The following FAT3 variants were observed in gnomAD, a reference collection of about 807,000 sequenced individuals.
FAT3 encodes protocadherin Fat 3.
A neutral mutation model predicts 310.2 loss-of-function variants in FAT3; 95 were observed. That is an observed-to-expected ratio of 0.31 (90% CI 0.26 to 0.36). The LOEUF (loss-of-function observed/expected upper bound fraction) is 0.36, where lower values mean the gene tolerates loss of function less well. Among genes scored for constraint, FAT3 ranks in the 10% least tolerant of loss-of-function variants. FAT3 has a pLI of 1.00. For synonymous variants in FAT3, 2,314 were observed against 2,192.9 expected (o/e 1.06, Z -1.54); for missense variants, 5,408 against 5,715.6 (o/e 0.95, Z 1.74).
At chr11:92,431,645 G>T (rs924112239) in intron 2 of FAT3, among the ~76,000 whole-genome samples, 22 of 152,132 alleles carry the variant, frequency 1.4e-4, no homozygotes, top group African/African-American at 5.1e-4. Context: ...ATGGTTTTAG[G>T]TCTAACATGT....
chr11:92,834,344 A>G (rs1948342438), intron 14 of FAT3, among the ~76,000 whole-genome samples: 1 of 152,144 alleles, frequency 6.6e-6, no homozygotes, highest in South Asian at 2.1e-4. Context: ...GATTTCTGAG[A>G]TCTTTGCCCT....
chr11:92,455,695 C>T (rs562998423), intron 2 of FAT3, among the ~76,000 whole-genome samples: 1 of 152,084 alleles, frequency 6.6e-6, no homozygotes, highest in South Asian at 2.1e-4. Context: ...TTCAACTTGA[C>T]CTGAATCCTA....
At chr11:92,794,603 T>A (rs1045506994) in intron 9 of FAT3, among the ~76,000 whole-genome samples, 5 of 152,234 alleles carry the variant, frequency 3.3e-5, no homozygotes, top group Admixed American at 6.5e-5. Context: ...CTGCTTATCT[T>A]TTGACCTCTA....
intron 2 of FAT3, among the ~76,000 whole-genome samples, chr11:92,449,688 G>A (rs987210839): frequency 6.6e-6 from 1 of 152,150 alleles, no homozygotes; most frequent in Non-Finnish European, 1.5e-5. Context: ...GGAGCTCAAA[G>A]TTTAATACAG....
intron 13 of FAT3, among the ~76,000 whole-genome samples, chr11:92,820,137 G>A (rs184770773): frequency 1.8e-4 from 27 of 152,288 alleles, no homozygotes; most frequent in African/African-American, 6.3e-4. Flanking sequence ...CTGCCATAAC[G>A]AAGTACCTGA....
In FAT3 at chr11:92,354,542, G is replaced by T. The variant is rs1948675664; in HGVS notation, c.2430G>T (p.Gln810His). 1 of 1,613,840 alleles carries T rather than the reference G, an allele frequency of 6.2e-7. No homozygotes were observed. The highest frequency in any genetic ancestry group is 8.5e-7 in the Non-Finnish European group (1 of 1,179,852). The change falls in exon 2 of 28, where the codon CAG becomes CAT. Residue 810 changes from glutamine to histidine, a missense_variant. By Grantham distance (24) the Gln-to-His change is conservative. Around this residue, in one of 5 missense-constraint regions of FAT3, gnomAD observed 4,588 missense variants for 4,809.8 expected, o/e 0.95. Transcript: ENST00000525166. ...NITIYDLGNP[Q>H]KSSWRLLTIN... ...CCATCTATGACTTAGGTAATCCACA[G>T]AAATCGTCATGGAGACTGCTGACCA...
chr11:92,874,056 A>G (rs1455489919), intron 22 of FAT3, among the ~76,000 whole-genome samples: 2 of 152,246 alleles, frequency 1.3e-5, no homozygotes, highest in Non-Finnish European at 1.5e-5. Context: ...GAAAGTTCTT[A>G]GAATTTTTCA....
intron 3 of FAT3, among the ~76,000 whole-genome samples, chr11:92,661,695 G>C (rs1942789064): frequency 6.6e-6 from 1 of 151,814 alleles, no homozygotes; most frequent in Non-Finnish European, 1.5e-5. Context: ...TTCATGTGGG[G>C]GAAAAAACTC....
intron 4 of FAT3, among the ~76,000 whole-genome samples, chr11:92,721,541 A>G (rs1321688740): frequency 6.6e-6 from 1 of 152,216 alleles, no homozygotes. Flanking sequence ...AGTTGAAACA[A>G]ATTGCAATTG....
At chr11:92,563,471 A>AG (rs1955307316) in intron 3 of FAT3, among the ~76,000 whole-genome samples, 2 of 152,212 alleles carry the variant, frequency 1.3e-5, no homozygotes, top group Non-Finnish European at 2.9e-5. Flanking sequence ...ATTCAAATAT[A>AG]TTATTGTAAT....
intron 1 of FAT3, among the ~76,000 whole-genome samples, chr11:92,234,216 C>G (rs1040925360): frequency 6.6e-6 from 1 of 152,280 alleles, no homozygotes; most frequent in East Asian, 1.9e-4. Context: ...AACAATTTGT[C>G]TCTCTTACAT....
At chr11:92,415,070 A>G (rs1339282411) in intron 2 of FAT3, among the ~76,000 whole-genome samples, 1 of 152,046 alleles carries the variant, frequency 6.6e-6, no homozygotes, top group African/African-American at 2.4e-5. Flanking sequence ...GTATTTTAAT[A>G]TTTCTGCAGT....
At position 92,866,960 on chromosome 11, in the gene FAT3, G is replaced by T; in HGVS notation, c.11878G>T (p.Ala3960Ser). ...LSTESSIYFG[A>S]LVQADNIRSL... ...CACTGAGAGTAGCATCTACTTCGGC[G>T]CCCTGGTGCAAGCGGATAACATCCG... Residue 3960 changes from alanine (A) to serine (S), a missense_variant, in exon 22 of 28, where the codon GCC becomes TCC. Ala to Ser is a moderately conservative substitution (Grantham distance 99). Coordinates refer to ENST00000525166, the MANE Select transcript of FAT3 (RefSeq NM_001367949.2). 1 of 1,613,122 alleles carries T rather than the reference G, an allele frequency of 6.2e-7. No individual in the cohort carries two copies. Among genetic ancestry groups the T allele is most frequent in the Middle Eastern group, 1.7e-4 (1 of 6,060 alleles).
At position 92,486,129 on chromosome 11, in the gene FAT3, G is replaced by GTTTTTTTTTTTTTT. The variant is rs1565353395; in HGVS notation, c.3293-38505_3293-38504insTTTTTTTTTTTTTT. The stretch of plus-strand genomic sequence containing the variant: ...TGTGAAATAGAGGAGAGGCTGCTGG[G>GTTTTTTTTTTTTTT]GTTTTTTTTTTTTTTTTTTTTTTTT... On this transcript the variant is annotated intron_variant, in intron 2 of 27. Coordinates refer to ENST00000525166, the MANE Select transcript of FAT3 (RefSeq NM_001367949.2). 1.9e-3 allele frequency among the ~76,000 whole-genome samples: 52 copies of GTTTTTTTTTTTTTT among 27,666 alleles called. 2 individuals carry two copies. Among genetic ancestry groups the GTTTTTTTTTTTTTT allele is most frequent in the Middle Eastern group, 0.045 (1 of 22 alleles). 18.1% of individuals were successfully genotyped at this position (27,666 alleles called of 152,430 possible).
At chr11:92,826,262 A>G (rs1472524864) in intron 13 of FAT3, among the ~76,000 whole-genome samples, 2 of 152,220 alleles carry the variant, frequency 1.3e-5, no homozygotes, top group Non-Finnish European at 2.9e-5. Flanking sequence ...AGCTTTGTTG[A>G]TCATTTTTCT....
At chr11:92,377,717 G>A (rs1454564124) in intron 2 of FAT3, among the ~76,000 whole-genome samples, 2 of 152,034 alleles carry the variant, frequency 1.3e-5, no homozygotes, top group African/African-American at 2.4e-5. Context: ...ATGCACTATT[G>A]GGTCCTGTGT....
At chr11:92,393,389 C>G (rs1450029776) in intron 2 of FAT3, among the ~76,000 whole-genome samples, 1 of 152,120 alleles carries the variant, frequency 6.6e-6, no homozygotes, top group African/African-American at 2.4e-5. Context: ...AATTATGCCA[C>G]CATTTGGATG....
At chr11:92,536,514 C>A (rs1282661509) in intron 3 of FAT3, among the ~76,000 whole-genome samples, 2 of 152,110 alleles carry the variant, frequency 1.3e-5, no homozygotes, top group African/African-American at 4.8e-5. Context: ...AACTGGCTTG[C>A]TATTAACATT....
intron 3 of FAT3, among the ~76,000 whole-genome samples, chr11:92,633,573 G>C (rs1305821334): frequency 8.2e-4 from 124 of 152,064 alleles, no homozygotes; most frequent in Non-Finnish European, 4.4e-5. Flanking sequence ...CGGGGATTGG[G>C]ATAAAAAAGC....
Sources: gnomAD v4.1 joint callset for allele counts (sites outside exome capture counted in the v4.1 genomes callset) on GRCh38, gnomAD v4.1.1 for gene constraint, gnomAD v4.1.1 regional missense constraint, MANE v1.5 for transcripts, NCBI Gene and HGNC (gene_info 2026-07-23, HGNC 2026-07-21) for gene names.